Variants in NR2F1-AS1 observed in about 807,000 individuals in gnomAD.
NR2F1-AS1 encodes NR2F1 regulatory antisense RNA 1, also known as NR2F1 antisense RNA 1.
intron 4 of NR2F1-AS1, among the ~76,000 whole-genome samples, chr5:93,522,735 T>A (rs1364170697): frequency 6.6e-6 from 1 of 150,534 alleles, no homozygotes; most frequent in East Asian, 1.9e-4. Flanking sequence ...ACCCAGGAAC[T>A]GCAAGGGGTC....
At chr5:93,519,806 A>G (rs1751467469) in intron 4 of NR2F1-AS1, among the ~76,000 whole-genome samples, 1 of 152,062 alleles carries the variant, frequency 6.6e-6, no homozygotes, top group South Asian at 2.1e-4. Context: ...TTTTCAACAT[A>G]ACACTTAAAA....
intron 4 of NR2F1-AS1, among the ~76,000 whole-genome samples, chr5:93,464,725 A>T (rs1750187717): frequency 6.6e-6 from 1 of 152,228 alleles, no homozygotes; most frequent in African/African-American, 2.4e-5. Context: ...ACAAATATTC[A>T]TGCAGCCTAA....
At position 93,537,925 on chromosome 5, in the gene NR2F1-AS1, G is replaced by T. The variant is rs2344388; in HGVS notation, n.638+15836C>A. 3.9e-3 allele frequency among the ~76,000 whole-genome samples: 587 copies of T among 152,190 alleles called. 11 individuals are homozygous for T. In the East Asian group the frequency reaches 0.051, roughly 13 times the overall value. ...TGCACATTTTACTCATGTCTGTGTG[G>T]GTTTTCTCTGGGTACTGCAGTTTCC... On this transcript the variant is annotated intron_variant and non_coding_transcript_variant, in intron 4 of 5. Transcript: ENST00000660523.
At chr5:93,415,960 T>G (rs1748959397) in intron 4 of NR2F1-AS1, among the ~76,000 whole-genome samples, 1 of 152,218 alleles carries the variant, frequency 6.6e-6, no homozygotes, top group African/African-American at 2.4e-5. Flanking sequence ...ACTGCTTTCA[T>G]TTCACCACAA....
intron 4 of NR2F1-AS1, among the ~76,000 whole-genome samples, chr5:93,475,504 T>C (rs1169285011): frequency 1.3e-5 from 2 of 152,352 alleles, no homozygotes; most frequent in Non-Finnish European, 2.9e-5. Flanking sequence ...CAGCCACTGA[T>C]AGAATTACAG....
At chr5:93,509,754 C>T (rs1010097153) in intron 4 of NR2F1-AS1, among the ~76,000 whole-genome samples, 1 of 151,786 alleles carries the variant, frequency 6.6e-6, no homozygotes, top group South Asian at 2.1e-4. Flanking sequence ...TGAAATTTTT[C>T]CCTATTTAAA....
intron 4 of NR2F1-AS1, among the ~76,000 whole-genome samples, chr5:93,414,513 T>A (rs1004167570): frequency 3.3e-5 from 5 of 152,184 alleles, no homozygotes; most frequent in African/African-American, 1.2e-4. Context: ...TGTGCCTTGG[T>A]GAGAGTGCGT....
At chr5:93,495,752 G>T (rs990961601) in intron 4 of NR2F1-AS1, among the ~76,000 whole-genome samples, 4 of 151,942 alleles carry the variant, frequency 2.6e-5, no homozygotes, top group East Asian at 3.9e-4. Context: ...CAAATATGAT[G>T]ATTTGTATAT....
chr5:93,480,504 C>T (rs1750578175), intron 4 of NR2F1-AS1, among the ~76,000 whole-genome samples: 1 of 152,128 alleles, frequency 6.6e-6, no homozygotes, highest in African/African-American at 2.4e-5. Context: ...TAAAGGAATT[C>T]TTCAGGCTGA....
At chr5:93,515,885 G>C (rs963151537) in intron 4 of NR2F1-AS1, among the ~76,000 whole-genome samples, 2 of 151,802 alleles carry the variant, frequency 1.3e-5, no homozygotes, top group African/African-American at 4.8e-5. Flanking sequence ...TGAAAACAGA[G>C]TACATCCCTT....
In NR2F1-AS1 at chr5:93,468,751, G is replaced by T. The variant is rs192028371; in HGVS notation, n.639-73209C>A. 2.0e-5 allele frequency among the ~76,000 whole-genome samples: 3 copies of T among 152,270 alleles called. No homozygotes were observed. In the East Asian group the frequency reaches 5.8e-4, roughly 29 times the overall value. ...CTATGTCCTGAATGGTATTGCCTAG[G>T]TTTTCTTCTAGGGTTTTTATGGTGT... On this transcript the variant is annotated intron_variant and non_coding_transcript_variant, in intron 4 of 5. Coordinates refer to ENST00000660523, the Ensembl canonical transcript of NR2F1-AS1.
At chr5:93,489,029 A>G (rs533454646) in intron 4 of NR2F1-AS1, among the ~76,000 whole-genome samples, 2 of 152,262 alleles carry the variant, frequency 1.3e-5, no homozygotes, top group South Asian at 2.1e-4. Context: ...ATTCTCACTC[A>G]TAAGTGGGAG....
At chr5:93,464,381 C>T (rs1022172383) in intron 4 of NR2F1-AS1, among the ~76,000 whole-genome samples, 5 of 152,052 alleles carry the variant, frequency 3.3e-5, no homozygotes, top group Admixed American at 6.5e-5. Flanking sequence ...AGCATGAAAA[C>T]GGACTAATAC....
intron 4 of NR2F1-AS1, among the ~76,000 whole-genome samples, chr5:93,458,573 C>A (rs1750004941): frequency 6.6e-6 from 1 of 151,472 alleles, no homozygotes; most frequent in African/African-American, 2.4e-5. Flanking sequence ...TATAAAACTC[C>A]CAGAAGAAAA....
upstream of NR2F1-AS1, chr5:93,581,211 A>C (rs1753020795): frequency 6.6e-6 from 1 of 152,250 alleles, no homozygotes; most frequent in Admixed American, 6.5e-5. Context: ...GGAATGCTCG[A>C]GCTGAGACAA....
intron 4 of NR2F1-AS1, among the ~76,000 whole-genome samples, chr5:93,493,202 A>G (rs1393420759): frequency 1.3e-5 from 2 of 152,134 alleles, no homozygotes; most frequent in Non-Finnish European, 2.9e-5. Flanking sequence ...CTTGCAGGGT[A>G]TAAGATCAAC....
chr5:93,473,687 CACACACACACACAT>C (rs1358384081), intron 4 of NR2F1-AS1, among the ~76,000 whole-genome samples: 1 of 150,266 alleles, frequency 6.7e-6, no homozygotes, highest in African/African-American at 2.4e-5. Context: ...AAAGACCAAA[CACACACACACACAT>C]ACACACACAC....
chr5:93,477,393 G>T (rs1483746168), intron 4 of NR2F1-AS1, among the ~76,000 whole-genome samples: 1 of 151,880 alleles, frequency 6.6e-6, no homozygotes, highest in African/African-American at 2.4e-5. Context: ...ACAATAAAAG[G>T]GTTTTTCAAG....
intron 4 of NR2F1-AS1, among the ~76,000 whole-genome samples, chr5:93,534,523 A>G (rs565230031): frequency 1.3e-5 from 2 of 152,342 alleles, no homozygotes; most frequent in African/African-American, 4.8e-5. Context: ...AATTATCATG[A>G]AACAATTTAA....
Sources: allele counts gnomAD v4.1 joint callset (sites outside exome capture counted in the v4.1 genomes callset), GRCh38; gene constraint gnomAD v4.1.1; transcripts MANE v1.5; gene names NCBI Gene and HGNC (gene_info 2026-07-23, HGNC 2026-07-21).